Variants in DPP10 observed in about 807,000 individuals in gnomAD.
DPP10 encodes the protein inactive dipeptidyl peptidase 10.
A neutral mutation model predicts 120.9 loss-of-function variants in DPP10; 33 were observed. The ratio of observed to expected loss-of-function variants is 0.27; its 90% CI spans 0.21 to 0.37. The LOEUF (loss-of-function observed/expected upper bound fraction) is 0.37, where lower values mean the gene tolerates loss of function less well. Among genes scored for constraint, DPP10 ranks in the 10% least tolerant of loss-of-function variants. The pLI, the probability that DPP10 is intolerant of heterozygous loss-of-function variation, is 1.00. For missense variants in DPP10, 816 were observed against 942.8 expected, an observed-to-expected ratio of 0.87 and a Z score of 1.76; for synonymous variants, 337 against 326.1, an observed-to-expected ratio of 1.03 and a Z score of -0.36.
At chr2:114,565,753 C>T (rs1689146418) in intron 1 of DPP10, among the ~76,000 whole-genome samples, 1 of 152,160 alleles carries the variant, frequency 6.6e-6, no homozygotes, top group Non-Finnish European at 1.5e-5. Flanking sequence ...ACGTGACTTC[C>T]TGGTGTTATA....
At chr2:115,703,072 T>A (rs1046498676) in intron 7 of DPP10, among the ~76,000 whole-genome samples, 3 of 151,928 alleles carry the variant, frequency 2.0e-5, no homozygotes, top group African/African-American at 7.2e-5. Flanking sequence ...TCACGAAGAA[T>A]GGAATAATTT....
At chr2:115,704,911 T>A (rs1184503918) in intron 7 of DPP10, among the ~76,000 whole-genome samples, 1 of 151,976 alleles carries the variant, frequency 6.6e-6, no homozygotes, top group African/African-American at 2.4e-5. Context: ...AAAGGTTTCT[T>A]TTTCTTTTTA....
chr2:115,135,157 C>T (rs542919298), intron 1 of DPP10, among the ~76,000 whole-genome samples: 31 of 151,530 alleles, frequency 2.0e-4, no homozygotes, highest in African/African-American at 4.6e-4. Context: ...AGTTGAACAC[C>T]GTCATGTACG....
intron 1 of DPP10, among the ~76,000 whole-genome samples, chr2:114,661,322 A>T (rs1228075243): frequency 6.6e-6 from 1 of 152,220 alleles, no homozygotes; most frequent in African/African-American, 2.4e-5. Flanking sequence ...TAAATGGAGC[A>T]TAAGTTTCTC....
chr2:115,493,679 T>A (rs2076244936), intron 3 of DPP10, among the ~76,000 whole-genome samples: 1 of 152,154 alleles, frequency 6.6e-6, no homozygotes, highest in Non-Finnish European at 1.5e-5. Context: ...TCATCATCAT[T>A]GTTACACACT....
At chr2:114,546,163 T>TA (rs142662300) in intron 1 of DPP10, among the ~76,000 whole-genome samples, 3,084 of 150,988 alleles carry the variant, frequency 0.02, 101 homozygotes, top group African/African-American at 0.068. Context: ...AGTAACTTAT[T>TA]AAAAAAAAAG....
chr2:115,287,444 C>G (rs947641145), intron 1 of DPP10, among the ~76,000 whole-genome samples: 1 of 152,068 alleles, frequency 6.6e-6, no homozygotes, highest in African/African-American at 2.4e-5. Context: ...TCACCTCCCT[C>G]CTGAACTTCT....
intron 5 of DPP10, among the ~76,000 whole-genome samples, chr2:115,537,585 T>C (rs2078931657): frequency 7.3e-6 from 1 of 136,274 alleles, no homozygotes; most frequent in African/African-American, 2.6e-5. Flanking sequence ...TTTTTTCTCA[T>C]GGATCTGTGT....
At chr2:115,515,860 C>A (rs1466487671) in intron 4 of DPP10, among the ~76,000 whole-genome samples, 1 of 152,022 alleles carries the variant, frequency 6.6e-6, no homozygotes, top group African/African-American at 2.4e-5. Flanking sequence ...AATTTTCCTT[C>A]AGTTTTTAAA....
chr2:114,919,087 G>A (rs1695016907), intron 1 of DPP10, among the ~76,000 whole-genome samples: 1 of 150,232 alleles, frequency 6.7e-6, no homozygotes, highest in Non-Finnish European at 1.5e-5. Flanking sequence ...AGGGTTGGGG[G>A]ACAAAAGAAA....
intron 1 of DPP10, among the ~76,000 whole-genome samples, chr2:115,116,723 G>A (rs946467850): frequency 6.6e-6 from 1 of 152,052 alleles, no homozygotes. Context: ...GTAAACTTTA[G>A]GTAAAGCACG....
At chr2:114,790,391 C>G (rs1683134493) in intron 1 of DPP10, among the ~76,000 whole-genome samples, 1 of 152,100 alleles carries the variant, frequency 6.6e-6, no homozygotes, top group Non-Finnish European at 1.5e-5. Context: ...GACAAGAGTA[C>G]AGATAAGATG....
chr2:115,203,369 A>G (rs570820013), intron 1 of DPP10, among the ~76,000 whole-genome samples: 2 of 152,264 alleles, frequency 1.3e-5, no homozygotes, highest in African/African-American at 4.8e-5. Context: ...TGAGCTTTAT[A>G]CAAGTGAAAG....
At chr2:115,652,748 T>C (rs2087913232) in intron 5 of DPP10, among the ~76,000 whole-genome samples, 1 of 151,372 alleles carries the variant, frequency 6.6e-6, no homozygotes, top group Non-Finnish European at 1.5e-5. Flanking sequence ...TTTTGTTTGA[T>C]TCAAGCCTCC....
intron 1 of DPP10, among the ~76,000 whole-genome samples, chr2:114,781,559 T>C (rs1682328254): frequency 6.6e-6 from 1 of 151,242 alleles, no homozygotes; most frequent in African/African-American, 2.5e-5. Context: ...CAGAAGTCCA[T>C]ATTGTTTTTC....
At chr2:115,166,839 A>C (rs1205095202) in intron 1 of DPP10, among the ~76,000 whole-genome samples, 1 of 152,100 alleles carries the variant, frequency 6.6e-6, no homozygotes, top group African/African-American at 2.4e-5. Flanking sequence ...GCAAATTCAA[A>C]ATTTTGGTTT....
chr2:114,447,058 G>A (rs948703998), intron 1 of DPP10, among the ~76,000 whole-genome samples: 8 of 133,514 alleles, frequency 6.0e-5, no homozygotes, highest in East Asian at 2.2e-4. Context: ...TTTTTGAGAC[G>A]GAGTCTCAGC....
intron 1 of DPP10, among the ~76,000 whole-genome samples, chr2:115,041,798 G>A (rs1426245016): frequency 6.6e-6 from 1 of 152,140 alleles, no homozygotes; most frequent in African/African-American, 2.4e-5. Context: ...ATTTTAGCAT[G>A]AGAATTTGGT....
At chr2:114,800,384 G>T (rs776858376) in intron 1 of DPP10, among the ~76,000 whole-genome samples, 1 of 152,072 alleles carries the variant, frequency 6.6e-6, no homozygotes, top group Non-Finnish European at 1.5e-5. Context: ...TATTTTTCTA[G>T]AACACTGATT....
Sources: allele counts gnomAD v4.1 joint callset (sites outside exome capture counted in the v4.1 genomes callset), GRCh38; gene constraint gnomAD v4.1.1; transcripts MANE v1.5; gene names NCBI Gene and HGNC (gene_info 2026-07-23, HGNC 2026-07-21).